MINDY3: variants seen among roughly 807,000 people sequenced by gnomAD.
MINDY3 encodes MINDY lysine 48 deubiquitinase 3.
MINDY3 carries 38 observed loss-of-function variants against 69.2 expected under a neutral mutation model. That is an observed-to-expected ratio of 0.55 (90% CI 0.42 to 0.72). The LOEUF (loss-of-function observed/expected upper bound fraction) is 0.72. MINDY3 is among the 30% of genes least tolerant of loss of function. The probability of loss-of-function intolerance (pLI) is 0.00; values close to 1 mark genes in which losing one functional copy is unlikely to be tolerated. For synonymous variants in MINDY3, 192 were observed against 180.1 expected, an observed-to-expected ratio of 1.07 and a Z score of -0.53; for missense variants, 522 against 519.0, an observed-to-expected ratio of 1.01 and a Z score of -0.06.
intron 6 of MINDY3, 93 bp downstream of exon 6, chr10:15,837,111 A>C: frequency 1.5e-6 from 1 of 663,432 alleles, no homozygotes. Context: ...AGAATTTAAA[A>C]ACACCATCAG....
At chr10:15,834,682 C>G in intron 6 of MINDY3, 66 bp from the exon 7 acceptor site, 1 of 1,108,466 alleles carries the variant, frequency 9.0e-7, no homozygotes. Context: ...TGTTTAAAAA[C>G]TGACTAGTTT....
chr10:15,816,666 T>C (rs1054980507), intron 10 of MINDY3, among the ~76,000 whole-genome samples, 169 bp downstream of exon 10: 1 of 152,180 alleles, frequency 6.6e-6, no homozygotes, highest in African/African-American at 2.4e-5. Flanking sequence ...ATTCCAGATT[T>C]AGAGCACGAA....
intron 1 of MINDY3, among the ~76,000 whole-genome samples, chr10:15,851,433 A>G (rs765847160): frequency 1.3e-5 from 2 of 151,580 alleles, no homozygotes; most frequent in Non-Finnish European, 2.9e-5. Flanking sequence ...TTCTGGGCAC[A>G]TTTTCTTTCA....
At chr10:15,816,519 C>T (rs1016948985) in intron 10 of MINDY3, among the ~76,000 whole-genome samples, 30 of 151,484 alleles carry the variant, frequency 2.0e-4, no homozygotes, top group African/African-American at 7.0e-4. Flanking sequence ...ATCCTACTTA[C>T]AAAAAAAGCA....
intron 1 of MINDY3, among the ~76,000 whole-genome samples, chr10:15,854,129 C>G (rs978468664): frequency 7.2e-5 from 11 of 152,012 alleles, no homozygotes; most frequent in African/African-American, 2.4e-4. Flanking sequence ...CAAGACAGAC[C>G]AATGGATTTC....
At chr10:15,798,957 T>C (rs1484896061) in intron 10 of MINDY3, among the ~76,000 whole-genome samples, 2 of 151,378 alleles carry the variant, frequency 1.3e-5, no homozygotes, top group Admixed American at 6.6e-5. Context: ...TGGACTCTAG[T>C]TAACATGTGT....
At position 15,782,508 on chromosome 10, in the gene MINDY3, A is replaced by G. The variant is rs146321227; in HGVS notation, c.1117-282T>C. ...TTTTTAATTATGTGCATGTATCACT[A>G]TAACTTTTTTCAAAAGACAAGCTTC... On this transcript the variant is annotated intron_variant, in intron 13 of 14. Coordinates refer to ENST00000277632, the MANE Select transcript of MINDY3 (RefSeq NM_024948.4). Among the ~76,000 whole-genome samples, 471 of 152,246 alleles carry G rather than the reference A, an allele frequency of 3.1e-3. 3 individuals carry two copies. The highest frequency in any genetic ancestry group is 0.011 in the African/African-American group (449 of 41,554).
chr10:15,811,474 T>C (rs1838995400), intron 10 of MINDY3, among the ~76,000 whole-genome samples: 1 of 152,196 alleles, frequency 6.6e-6, no homozygotes, highest in African/African-American at 2.4e-5. Context: ...TATAGATTAA[T>C]ATTTCTGAAA....
Position 15,789,328 on chromosome 10 carries a change from GA to G in MINDY3, c.956-10del, listed in dbSNP as rs371173416. ...GGGTATGAATCCATTATCTAGGGGG[GA>G]AAAAATCAGAAACAACTTGAAATAA... On this transcript the variant is annotated splice_polypyrimidine_tract_variant and intron_variant, in intron 11 of 14. Transcript: ENST00000277632. 27 of 1,595,600 alleles carry G rather than the reference GA, an allele frequency of 1.7e-5. No homozygotes were observed. The highest frequency in any genetic ancestry group is 5.0e-5 in the Admixed American group (3 of 59,558).
At chr10:15,846,923 C>T (rs1189984966) in intron 2 of MINDY3, among the ~76,000 whole-genome samples, 1 of 152,048 alleles carries the variant, frequency 6.6e-6, no homozygotes, top group South Asian at 2.1e-4. Flanking sequence ...CGGGGTTTCA[C>T]CATGTTAGCC....
chr10:15,811,917 A>C (rs1417139663), intron 10 of MINDY3, among the ~76,000 whole-genome samples: 2 of 152,124 alleles, frequency 1.3e-5, no homozygotes, highest in Admixed American at 1.3e-4. Context: ...AATAATGCTT[A>C]ATTTTTCATT....
At chr10:15,823,492 AAAC>A (rs1228002662) in intron 8 of MINDY3, among the ~76,000 whole-genome samples, 3 of 152,206 alleles carry the variant, frequency 2.0e-5, no homozygotes, top group Non-Finnish European at 2.9e-5. Context: ...CAAAAATTTA[AAAC>A]AACGTCACTC....
intron 8 of MINDY3, among the ~76,000 whole-genome samples, chr10:15,827,270 G>A (rs573868806): frequency 3.5e-4 from 53 of 151,610 alleles, no homozygotes; most frequent in African/African-American, 1.2e-3. Flanking sequence ...AGCCAGGCGC[G>A]GTAGCTCACG....
At chr10:15,783,930 AAGT>A (rs1344955353) in intron 13 of MINDY3, among the ~76,000 whole-genome samples, 3 of 152,178 alleles carry the variant, frequency 2.0e-5, no homozygotes, top group African/African-American at 7.2e-5. Flanking sequence ...TACCAACAAA[AAGT>A]AGTGTAGCCC....
intron 13 of MINDY3, among the ~76,000 whole-genome samples, chr10:15,783,129 T>A (rs868308753): frequency 6.6e-6 from 1 of 152,152 alleles, no homozygotes; most frequent in Non-Finnish European, 1.5e-5. Context: ...TACAGAAAGA[T>A]AGGCTGTGAG....
chr10:15,789,033 C>A (rs1472628713), intron 12 of MINDY3: 3 of 411,584 alleles, frequency 7.3e-6, no homozygotes, highest in Non-Finnish European at 1.3e-5. Flanking sequence ...AAAAGCAGGA[C>A]AGTAATTGCT....
chr10:15,802,451 T>C (rs1307323478), intron 10 of MINDY3, among the ~76,000 whole-genome samples: 4 of 151,918 alleles, frequency 2.6e-5, no homozygotes, highest in Non-Finnish European at 4.4e-5. Flanking sequence ...ACCAGACATA[T>C]ATCAAACAAC....
chr10:15,804,021 A>G (rs1838452363), intron 10 of MINDY3, among the ~76,000 whole-genome samples: 1 of 152,146 alleles, frequency 6.6e-6, no homozygotes, highest in Non-Finnish European at 1.5e-5. Context: ...CAACGATTAC[A>G]TACTGTTTTA....
chr10:15,794,755 G>A (rs1453001501), intron 11 of MINDY3, among the ~76,000 whole-genome samples: 1 of 152,020 alleles, frequency 6.6e-6, no homozygotes, highest in Non-Finnish European at 1.5e-5. Flanking sequence ...TACCTCATTA[G>A]TGATTACTAA....
Sources: gnomAD v4.1 joint callset for allele counts (sites outside exome capture counted in the v4.1 genomes callset) on GRCh38, gnomAD v4.1.1 for gene constraint, MANE v1.5 for transcripts, NCBI Gene and HGNC (gene_info 2026-07-23, HGNC 2026-07-21) for gene names.